The following SCARA5 variants were observed in gnomAD, a reference collection of about 807,000 sequenced individuals.
The protein encoded by SCARA5 is scavenger receptor class A, member 5 (putative).
In SCARA5, 45 loss-of-function variants were observed where a neutral mutation model predicts 46.3. The observed-to-expected ratio is 0.97, with a 90% CI of 0.76 to 1.24. SCARA5 has a LOEUF of 1.24. Among genes scored for constraint, SCARA5 ranks in the 50% most tolerant of loss-of-function variants. The pLI is 0.00. For synonymous variants in SCARA5, 333 were observed against 306.5 expected (o/e 1.09, Z -0.90); for missense variants, 680 against 689.0 (o/e 0.99, Z 0.15).
At chr8:27,976,200 C>T (rs779056733) in intron 2 of SCARA5, among the ~76,000 whole-genome samples, 1 of 152,066 alleles carries the variant, frequency 6.6e-6, no homozygotes, top group Non-Finnish European at 1.5e-5. Flanking sequence ...TGCAGCCATG[C>T]GGGAGAGAGC....
chr8:27,944,626 C>T (rs1808003528), intron 3 of SCARA5, among the ~76,000 whole-genome samples: 1 of 151,638 alleles, frequency 6.6e-6, no homozygotes, highest in African/African-American at 2.4e-5. Context: ...CTTTGGGAGG[C>T]CAAGGTGGAT....
At chr8:27,908,351 C>G (rs769932070) in intron 5 of SCARA5, among the ~76,000 whole-genome samples, 6 of 152,196 alleles carry the variant, frequency 3.9e-5, no homozygotes, top group Non-Finnish European at 8.8e-5. Flanking sequence ...GTGACGGTGC[C>G]GGCGCCATGC....
At chr8:27,892,950 A>C (rs1807010427) in intron 7 of SCARA5, among the ~76,000 whole-genome samples, 1 of 152,106 alleles carries the variant, frequency 6.6e-6, no homozygotes, top group Non-Finnish European at 1.5e-5. Context: ...GGCTGGGAGC[A>C]ACAGGGCATG....
Position 27,906,411 on chromosome 8 carries a change from A to G in SCARA5, c.1096+737T>C, listed in dbSNP as rs552229923. Reference sequence around the variant, plus strand: ...GCAAATCAGAAGGAACATTTTTGGCACTGTAAATCTGAGAATTGAATTAAA... The same window carrying G: ...GCAAATCAGAAGGAACATTTTTGGCGCTGTAAATCTGAGAATTGAATTAAA... On this transcript the variant is annotated intron_variant, in intron 6 of 8. Coordinates refer to ENST00000354914, the MANE Select transcript of SCARA5 (RefSeq NM_173833.6). Among the ~76,000 whole-genome samples the G allele has an allele frequency of 2.6e-5, 4 of 152,372 alleles. No individual in the cohort carries two copies. In the South Asian group the frequency reaches 8.3e-4, roughly 32 times the overall value.
At chr8:27,920,252 C>T (rs1807561380) in intron 4 of SCARA5, among the ~76,000 whole-genome samples, 1 of 152,120 alleles carries the variant, frequency 6.6e-6, no homozygotes, top group Non-Finnish European at 1.5e-5. Context: ...GGGAGGATCA[C>T]TTGAGGCCAG....
chr8:27,965,258 G>C (rs567032796), intron 3 of SCARA5, among the ~76,000 whole-genome samples: 1 of 152,188 alleles, frequency 6.6e-6, no homozygotes. Flanking sequence ...GACCGGGGAG[G>C]TCCTGGCCAT....
chr8:27,900,778 A>G (rs1245518375), intron 7 of SCARA5, among the ~76,000 whole-genome samples: 2 of 146,690 alleles, frequency 1.4e-5, no homozygotes, highest in Admixed American at 1.4e-4. Flanking sequence ...TGAGATATGT[A>G]TACGTAGCGG....
rs116368628 is a variant in SCARA5, at chr8:27,983,495, T to G, written c.112+4009A>C. On this transcript the variant is annotated intron_variant, in intron 2 of 8. Coordinates refer to ENST00000354914, the MANE Select transcript of SCARA5 (RefSeq NM_173833.6). ...GCACCATCAGTCCAACCCCGTGAAA[T>G]CCCCATCCTGGGAAGGAGCCTGCAT... is the stretch of plus-strand genomic sequence containing the variant. 5.8e-3 allele frequency among the ~76,000 whole-genome samples: 887 copies of G among 152,182 alleles called. 12 individuals carry two copies. The highest frequency in any genetic ancestry group is 0.02 in the African/African-American group (825 of 41,512).
chr8:27,885,473 C>T (rs1806880288), intron 7 of SCARA5, among the ~76,000 whole-genome samples: 1 of 152,182 alleles, frequency 6.6e-6, no homozygotes, highest in Admixed American at 6.5e-5. Context: ...GATCACGTGA[C>T]CTGGTACAGG....
chr8:27,924,073 G>C (rs193090032), intron 3 of SCARA5, among the ~76,000 whole-genome samples: 13 of 152,322 alleles, frequency 8.5e-5, no homozygotes, highest in African/African-American at 3.1e-4. Context: ...TCTGACTCAG[G>C]TATGCTACAA....
chr8:27,977,134 G>A (rs536893801), intron 2 of SCARA5, among the ~76,000 whole-genome samples: 2 of 152,288 alleles, frequency 1.3e-5, no homozygotes, highest in Admixed American at 6.5e-5. Context: ...GAGAGTGAGG[G>A]AGCCGCTGGG....
chr8:27,966,332 A>G, intron 3 of SCARA5, 82 bp downstream of exon 3: 1 of 1,410,886 alleles, frequency 7.1e-7, no homozygotes. Flanking sequence ...GTTTGGGCTC[A>G]TGACAGTGGG....
chr8:27,874,898 C>T (rs187945381), intron 8 of SCARA5, among the ~76,000 whole-genome samples: 4 of 152,290 alleles, frequency 2.6e-5, no homozygotes, highest in East Asian at 3.9e-4. Flanking sequence ...CCTTCCACCT[C>T]GCCATTTGCA....
intron 2 of SCARA5, among the ~76,000 whole-genome samples, chr8:27,978,841 T>C (rs1808567197): frequency 6.6e-6 from 1 of 152,110 alleles, no homozygotes; most frequent in Admixed American, 6.5e-5. Context: ...CTCAGGTCTC[T>C]GACTCTGGGG....
intron 2 of SCARA5, among the ~76,000 whole-genome samples, chr8:27,970,218 C>A: frequency 6.6e-6 from 1 of 151,992 alleles, no homozygotes; most frequent in Admixed American, 6.6e-5. Flanking sequence ...GGTGAGTGAG[C>A]CTCTAAGGAG....
At chr8:27,942,109 G>A (rs1487770040) in intron 3 of SCARA5, among the ~76,000 whole-genome samples, 1 of 152,056 alleles carries the variant, frequency 6.6e-6, no homozygotes, top group Non-Finnish European at 1.5e-5. Context: ...GATTACAGGT[G>A]TGAGCCACTG....
intron 3 of SCARA5, among the ~76,000 whole-genome samples, chr8:27,960,002 C>CTG (rs990375633): frequency 5.3e-5 from 8 of 152,296 alleles, no homozygotes; most frequent in African/African-American, 1.9e-4. Context: ...CCAGGCTTCC[C>CTG]TGTGTGTTTA....
chr8:27,872,115 G>A (rs777608396), intron 8 of SCARA5, 45 bp from the exon 9 acceptor site: 3 of 1,605,266 alleles, frequency 1.9e-6, no homozygotes, highest in East Asian at 4.5e-5. Context: ...ACACAGGAGG[G>A]CGAGAAGGAG....
At chr8:27,965,993 A>G (rs187995244) in intron 3 of SCARA5, among the ~76,000 whole-genome samples, 1 of 152,326 alleles carries the variant, frequency 6.6e-6, no homozygotes, top group African/African-American at 2.4e-5. Flanking sequence ...TTCTACCTAC[A>G]GTAACTGCAA....
Sources: allele counts gnomAD v4.1 joint callset (sites outside exome capture counted in the v4.1 genomes callset), GRCh38; gene constraint gnomAD v4.1.1; transcripts MANE v1.5; gene names NCBI Gene and HGNC (gene_info 2026-07-23, HGNC 2026-07-21).